SYTL3: variants seen among roughly 807,000 people sequenced by gnomAD.
SYTL3 encodes the protein synaptotagmin like 3.
A neutral mutation model predicts 82.1 loss-of-function variants in SYTL3; 88 were observed. The observed-to-expected ratio is 1.07, with a 90% confidence interval of 0.90 to 1.28. The LOEUF is 1.28. Ranked by LOEUF, SYTL3 falls within the 50% of genes most tolerant of loss-of-function variation. SYTL3 has a pLI of 0.00. For synonymous variants in SYTL3, 311 were observed against 289.4 expected, an observed-to-expected ratio of 1.07 and a Z score of -0.76; for missense variants, 831 against 757.6, an observed-to-expected ratio of 1.10 and a Z score of -1.14.
chr6:158,722,717 G>A (rs952801147), intron 10 of SYTL3, among the ~76,000 whole-genome samples: 1 of 151,508 alleles, frequency 6.6e-6, no homozygotes, highest in African/African-American at 2.4e-5. Context: ...TCTGGGGAGG[G>A]GAACTGAGGA....
intron 11 of SYTL3, among the ~76,000 whole-genome samples, chr6:158,744,304 C>CTTTTTTTTTTTTTT (rs869182913): frequency 2.0e-5 from 2 of 99,206 alleles, no homozygotes; most frequent in Non-Finnish European, 3.8e-5. Context: ...CTTTTTCTTT[C>CTTTTTTTTTTTTTT]TTTTTTTTTT....
At chr6:158,713,051 C>T (rs574586106) in intron 8 of SYTL3, among the ~76,000 whole-genome samples, 14 of 152,232 alleles carry the variant, frequency 9.2e-5, no homozygotes, top group South Asian at 6.2e-4. Flanking sequence ...TGAGCCACCG[C>T]GCCTGGCCTC....
chr6:158,712,058 G>A (rs35878657), intron 8 of SYTL3, among the ~76,000 whole-genome samples: 1 of 152,088 alleles, frequency 6.6e-6, no homozygotes, highest in Admixed American at 6.5e-5. Flanking sequence ...TGGAGTTGCT[G>A]TGGTTCACAT....
intron 8 of SYTL3, among the ~76,000 whole-genome samples, chr6:158,712,726 G>T (rs1446831349): frequency 6.6e-6 from 1 of 151,110 alleles, no homozygotes; most frequent in Non-Finnish European, 1.5e-5. Context: ...TAAGAGAGAA[G>T]AATCACATAC....
intron 6 of SYTL3, among the ~76,000 whole-genome samples, chr6:158,691,239 C>T (rs1412940578): frequency 5.9e-5 from 9 of 151,842 alleles, no homozygotes; most frequent in East Asian, 5.8e-4. Flanking sequence ...CCCAGCTGCT[C>T]GGGGGGTTGA....
At chr6:158,645,427 A>G (rs547512115), upstream of SYTL3, among the ~76,000 whole-genome samples, 2 of 152,280 alleles carry the variant, frequency 1.3e-5, no homozygotes, top group African/African-American at 4.8e-5. Flanking sequence ...AAGCTGGGGC[A>G]TATGCATCTA....
In SYTL3 at chr6:158,757,314, C is replaced by T; in HGVS notation, c.1241C>T (p.Pro414Leu). ...GTGTTTCTTGGAGAAGTGATCATTCCTCTGGCCACGTGGGACTTTGAAGAC... is the reference window on the plus strand; with the variant it reads ...GTGTTTCTTGGAGAAGTGATCATTCTTCTGGCCACGTGGGACTTTGAAGAC... ...RRVFLGEVII[P>L]LATWDFEDST... The change falls in exon 14 of 18, where the codon CCT (proline) becomes CTT (leucine). Residue 414 changes from proline to leucine, a missense_variant. Physicochemically the swap from Pro to Leu is moderately conservative, Grantham distance 98. Coordinates refer to ENST00000611299, the MANE Select transcript of SYTL3 (RefSeq NM_001242394.2). 6.2e-7 allele frequency: 1 copy of T among 1,614,032 alleles called. No individual in the cohort carries two copies. Among genetic ancestry groups the T allele is most frequent in the Non-Finnish European group, 8.5e-7 (1 of 1,179,998 alleles).
intron 6 of SYTL3, among the ~76,000 whole-genome samples, chr6:158,703,195 CA>C (rs1296453585): frequency 6.6e-6 from 1 of 150,396 alleles, no homozygotes; most frequent in Non-Finnish European, 1.5e-5. Flanking sequence ...TGACACCTGG[CA>C]ACCACCCGAG....
chr6:158,714,125 G>T (rs1783071877), intron 9 of SYTL3, among the ~76,000 whole-genome samples: 1 of 152,174 alleles, frequency 6.6e-6, no homozygotes, highest in South Asian at 2.1e-4. Context: ...GGCCAAGGTG[G>T]GTGGATCACT....
At chr6:158,681,783 C>T (rs1262998837) in intron 5 of SYTL3, among the ~76,000 whole-genome samples, 2 of 152,256 alleles carry the variant, frequency 1.3e-5, no homozygotes, top group African/African-American at 2.4e-5. Flanking sequence ...TCTCAGGTAA[C>T]CCTGCTCTGT....
At chr6:158,668,779 A>G (rs527288114) in intron 5 of SYTL3, among the ~76,000 whole-genome samples, 1 of 152,208 alleles carries the variant, frequency 6.6e-6, no homozygotes, top group East Asian at 1.9e-4. Flanking sequence ...GGGAGGATGG[A>G]CCTTGGTTAC....
chr6:158,649,548 C>T (rs144202689), upstream of SYTL3, among the ~76,000 whole-genome samples: 263 of 152,350 alleles, frequency 1.7e-3, 1 homozygote, highest in African/African-American at 5.7e-3. Flanking sequence ...GGACACTTCA[C>T]GGTGCTGAGT....
At chr6:158,695,055 A>G (rs968651467) in intron 6 of SYTL3, among the ~76,000 whole-genome samples, 1 of 152,226 alleles carries the variant, frequency 6.6e-6, no homozygotes, top group African/African-American at 2.4e-5. Context: ...CTGCAAGCCA[A>G]ATCTGGCCCA....
chr6:158,755,969 A>G (rs1458956427), intron 13 of SYTL3, among the ~76,000 whole-genome samples: 2 of 152,210 alleles, frequency 1.3e-5, no homozygotes, highest in Non-Finnish European at 2.9e-5. Flanking sequence ...CACCTGCAAC[A>G]TGGTTTGAAT....
intron 9 of SYTL3, among the ~76,000 whole-genome samples, chr6:158,716,937 G>C (rs1783491841): frequency 6.6e-6 from 1 of 152,184 alleles, no homozygotes; most frequent in African/African-American, 2.4e-5. Context: ...CTTTAATGTT[G>C]ATGACATTTT....
At chr6:158,704,285 G>A (rs1421345763) in intron 6 of SYTL3, among the ~76,000 whole-genome samples, 4 of 152,238 alleles carry the variant, frequency 2.6e-5, no homozygotes, top group African/African-American at 7.2e-5. Context: ...CAGCTGTGAC[G>A]GGCCCCTCCC....
chr6:158,752,090 G>A (rs2128528214), intron 13 of SYTL3, 60 bp downstream of exon 13: 1 of 1,252,078 alleles, frequency 8.0e-7, no homozygotes, highest in Non-Finnish European at 1.1e-6. Flanking sequence ...GAGCGCCTGG[G>A]GCAGAGTCCA....
chr6:158,682,470 C>G (rs1778818191), intron 5 of SYTL3, among the ~76,000 whole-genome samples: 1 of 150,006 alleles, frequency 6.7e-6, no homozygotes, highest in Non-Finnish European at 1.5e-5. Flanking sequence ...CGCCATTCTC[C>G]TGCCTCAGCC....
intron 16 of SYTL3, among the ~76,000 whole-genome samples, chr6:158,763,083 C>CA (rs1317901315): frequency 6.6e-6 from 1 of 152,200 alleles, no homozygotes; most frequent in African/African-American, 2.4e-5. Context: ...ATGAGGGCCA[C>CA]GAGGCCTCAG....
Sources: gnomAD v4.1 joint callset for allele counts (sites outside exome capture counted in the v4.1 genomes callset) on GRCh38, gnomAD v4.1.1 for gene constraint, MANE v1.5 for transcripts, NCBI Gene and HGNC (gene_info 2026-07-23, HGNC 2026-07-21) for gene names.